Variants in SUGCT observed in about 807,000 individuals in gnomAD.
SUGCT encodes succinyl-CoA:glutarate-CoA transferase.
A neutral mutation model predicts 55.0 loss-of-function variants in SUGCT; 41 were observed. The observed-to-expected ratio is 0.74, with a 90% confidence interval of 0.58 to 0.97. The LOEUF (loss-of-function observed/expected upper bound fraction) is 0.97, where lower values mean the gene tolerates loss of function less well. SUGCT is among the 50% of genes least tolerant of loss of function. The pLI, the probability that SUGCT is intolerant of heterozygous loss-of-function variation, is 0.00. For synonymous variants in SUGCT, 187 were observed against 200.4 expected, an observed-to-expected ratio of 0.93 and a Z score of 0.56; for missense variants, 568 against 547.8, an observed-to-expected ratio of 1.04 and a Z score of -0.37.
intron 11 of SUGCT, among the ~76,000 whole-genome samples, chr7:40,482,037 G>A (rs1003316357): frequency 9.2e-5 from 14 of 152,024 alleles, no homozygotes; most frequent in African/African-American, 3.1e-4. Flanking sequence ...AACTTGTTCC[G>A]TGAATAAATA....
chr7:40,762,119 A>G (rs1788562874), intron 13 of SUGCT, among the ~76,000 whole-genome samples: 1 of 152,220 alleles, frequency 6.6e-6, no homozygotes, highest in Non-Finnish European at 1.5e-5. Flanking sequence ...TGAAGGTAAC[A>G]CTGACGTGCA....
At chr7:40,500,495 T>C (rs1792220030) in intron 12 of SUGCT, among the ~76,000 whole-genome samples, 1 of 152,182 alleles carries the variant, frequency 6.6e-6, no homozygotes, top group African/African-American at 2.4e-5. Context: ...TTCTTAACTT[T>C]GCATCACCAT....
the SUGCT span, among the ~76,000 whole-genome samples, chr7:40,903,037 C>CT: frequency 0.022 from 3,227 of 144,906 alleles, 56 homozygotes; most frequent in Admixed American, 0.06. Context: ...CTTTTCTTTT[C>CT]TTTTTTTTTT....
At chr7:40,245,434 T>TA (rs776072413) in intron 7 of SUGCT, among the ~76,000 whole-genome samples, 23,297 of 53,404 alleles carry the variant, frequency 0.44, 4,530 homozygotes, top group South Asian at 0.56. Context: ...TTTTTTTTTT[T>TA]TTTTTTTTTT....
At chr7:40,980,764 T>C in the SUGCT span, among the ~76,000 whole-genome samples, 1 of 152,168 alleles carries the variant, frequency 6.6e-6, no homozygotes, top group African/African-American at 2.4e-5. Context: ...TGGTGCGATC[T>C]CAGCTCACTA....
At chr7:40,261,573 G>A (rs1346553905) in intron 7 of SUGCT, among the ~76,000 whole-genome samples, 3 of 152,136 alleles carry the variant, frequency 2.0e-5, no homozygotes, top group Non-Finnish European at 4.4e-5. Flanking sequence ...CTTGCCTGGC[G>A]TGTAATAAAC....
intron 12 of SUGCT, among the ~76,000 whole-genome samples, chr7:40,576,001 C>T (rs1022252541): frequency 1.3e-5 from 2 of 151,880 alleles, no homozygotes; most frequent in African/African-American, 4.8e-5. Context: ...AATGTTTCTC[C>T]CATGTTGTAA....
chr7:40,626,484 C>G (rs1414804869), intron 12 of SUGCT, among the ~76,000 whole-genome samples: 7 of 151,584 alleles, frequency 4.6e-5, no homozygotes, highest in Non-Finnish European at 8.8e-5. Flanking sequence ...GATCTCTTGA[C>G]CTCGTGATCC....
Position 40,585,795 on chromosome 7 carries a change from T to C in SUGCT, c.1089+89409T>C, listed in dbSNP as rs1043329895. Among the ~76,000 whole-genome samples the C allele has an allele frequency of 4.6e-5, 7 of 152,280 alleles. No individual in the cohort carries two copies. In the East Asian group the frequency reaches 1.4e-3, roughly 29 times the overall value. ...CCCAGGTTCTGGTGATTCTCTTACC[T>C]CAGCCTCTCAAGTACCTGGGATTAC... On this transcript the variant is annotated intron_variant, in intron 12 of 13. Transcript: ENST00000335693.
intron 12 of SUGCT, among the ~76,000 whole-genome samples, chr7:40,614,027 T>C (rs1798884929): frequency 6.6e-6 from 1 of 152,184 alleles, no homozygotes; most frequent in South Asian, 2.1e-4. Flanking sequence ...ATGTCTATGG[T>C]TTTTAGTCTC....
intron 10 of SUGCT, among the ~76,000 whole-genome samples, chr7:40,456,304 G>A (rs1336580354): frequency 6.6e-6 from 1 of 152,190 alleles, no homozygotes; most frequent in African/African-American, 2.4e-5. Context: ...TGGGATTATA[G>A]GCATGAGCCA....
intron 9 of SUGCT, among the ~76,000 whole-genome samples, chr7:40,386,296 G>A (rs933251504): frequency 7.2e-5 from 11 of 152,202 alleles, no homozygotes; most frequent in African/African-American, 1.9e-4. Context: ...GGAATGTCTC[G>A]AGCCGTAATT....
chr7:40,231,783 G>C (rs185526131), intron 6 of SUGCT, among the ~76,000 whole-genome samples: 1 of 152,202 alleles, frequency 6.6e-6, no homozygotes, highest in Non-Finnish European at 1.5e-5. Flanking sequence ...CAGGAAAGTA[G>C]TGTACTGATT....
intron 5 of SUGCT, among the ~76,000 whole-genome samples, chr7:40,190,051 A>T (rs1269690607): frequency 1.3e-5 from 2 of 152,170 alleles, no homozygotes; most frequent in African/African-American, 4.8e-5. Flanking sequence ...CCTTACTCAG[A>T]TGACCAATAT....
At chr7:40,352,236 C>A (rs1381522295) in intron 9 of SUGCT, among the ~76,000 whole-genome samples, 3 of 151,998 alleles carry the variant, frequency 2.0e-5, no homozygotes, top group African/African-American at 7.3e-5. Flanking sequence ...GTTTTGCATG[C>A]ATTTGTGTGT....
At chr7:40,666,270 T>C (rs1228387210) in intron 12 of SUGCT, among the ~76,000 whole-genome samples, 1 of 151,436 alleles carries the variant, frequency 6.6e-6, no homozygotes. Flanking sequence ...GTATCACTTT[T>C]ACCTGGGAGG....
the SUGCT span, among the ~76,000 whole-genome samples, chr7:40,978,050 C>T: frequency 3.9e-5 from 6 of 152,126 alleles, no homozygotes; most frequent in Admixed American, 3.3e-4. Context: ...TCTTGGATAG[C>T]CCCTGCAGTG....
chr7:40,749,003 A>G (rs1452992554), intron 12 of SUGCT, among the ~76,000 whole-genome samples: 1 of 152,062 alleles, frequency 6.6e-6, no homozygotes, highest in Non-Finnish European at 1.5e-5. Context: ...TGCTGAACAG[A>G]TTTCCAGGAG....
the SUGCT span, among the ~76,000 whole-genome samples, chr7:40,868,138 A>G: frequency 2.0e-5 from 3 of 152,012 alleles, no homozygotes; most frequent in South Asian, 4.2e-4. Context: ...CTTGCAAGAG[A>G]TGCATTTTAT....
Sources: allele counts gnomAD v4.1 joint callset (sites outside exome capture counted in the v4.1 genomes callset), GRCh38; gene constraint gnomAD v4.1.1; transcripts MANE v1.5; gene names NCBI Gene and HGNC (gene_info 2026-07-23, HGNC 2026-07-21).